Variants in PRKAR1B observed in about 807,000 individuals in gnomAD.
The protein encoded by PRKAR1B is cAMP-dependent protein kinase type I-beta regulatory subunit.
PRKAR1B carries 22 observed loss-of-function variants against 46.5 expected under a neutral mutation model. The ratio of observed to expected loss-of-function variants is 0.47; its 90% confidence interval spans 0.34 to 0.68. PRKAR1B has a LOEUF of 0.68. Among genes scored for constraint, PRKAR1B ranks in the 30% least tolerant of loss-of-function variants. PRKAR1B has a pLI of 0.01. For synonymous variants in PRKAR1B, 259 were observed against 217.7 expected (o/e 1.19, Z -1.67); for missense variants, 445 against 535.6 (o/e 0.83, Z 1.67).
chr7:660,021 A>G (rs892997632), intron 4 of PRKAR1B, among the ~76,000 whole-genome samples: 3 of 151,994 alleles, frequency 2.0e-5, no homozygotes, highest in Non-Finnish European at 4.4e-5. Context: ...CTCTCCCTTT[A>G]GTGACAAAGG....
chr7:723,469 G>T (rs1781143047), intron 1 of PRKAR1B, among the ~76,000 whole-genome samples: 1 of 152,180 alleles, frequency 6.6e-6, no homozygotes, highest in Non-Finnish European at 1.5e-5. Context: ...CAGTCCAGAG[G>T]TCTCCAGCCC....
rs915647243 is a variant in PRKAR1B, at chr7:584,449, G to T, written c.769+59C>A. The T allele has an allele frequency of 4.7e-6, 7 of 1,475,918 alleles. No individual in the cohort carries two copies. In the Admixed American group the frequency reaches 1.0e-4, roughly 21 times the overall value. The allele number at this position is 1,475,918 out of a possible 1,614,324, so 91.4% of individuals were successfully genotyped here. ...CGCAGGGAATGGGGAAGAGGCCGGG[G>T]TGGCCAGCAGGCGCCCAGATGTCGG... On this transcript the variant is annotated intron_variant, in intron 8 of 10. Coordinates refer to ENST00000537384, the MANE Select transcript of PRKAR1B (RefSeq NM_001164760.2).
chr7:659,584 A>C (rs1785394192), intron 4 of PRKAR1B, among the ~76,000 whole-genome samples: 1 of 152,196 alleles, frequency 6.6e-6, no homozygotes, highest in African/African-American at 2.4e-5. Context: ...TGAGGCAAGA[A>C]GACGACGGCT....
At chr7:725,210 T>C (rs1215312503) in intron 1 of PRKAR1B, among the ~76,000 whole-genome samples, 7 of 135,248 alleles carry the variant, frequency 5.2e-5, no homozygotes, top group African/African-American at 1.7e-4. Context: ...CAAGATTCCA[T>C]CTCAAAAAAA....
intron 2 of PRKAR1B, among the ~76,000 whole-genome samples, chr7:693,927 CTTTTGT>C (rs1389728523): frequency 6.6e-6 from 1 of 152,178 alleles, no homozygotes; most frequent in Non-Finnish European, 1.5e-5. Context: ...TTCATTTTTG[CTTTTGT>C]TTTTAATATG....
intron 3 of PRKAR1B, among the ~76,000 whole-genome samples, chr7:680,024 GGTA>G (rs764031434): frequency 2.6e-5 from 4 of 152,184 alleles, no homozygotes; most frequent in African/African-American, 9.6e-5. Context: ...TGGGTGTGGT[GGTA>G]GGCACCTGTA....
chr7:673,390 C>T (rs1396538938), intron 4 of PRKAR1B, among the ~76,000 whole-genome samples: 2 of 152,216 alleles, frequency 1.3e-5, no homozygotes, highest in East Asian at 1.9e-4. Context: ...TGGCTCACGC[C>T]TGTAATCCCA....
chr7:722,922 C>T (rs1322192357), intron 1 of PRKAR1B, among the ~76,000 whole-genome samples: 2 of 151,340 alleles, frequency 1.3e-5, no homozygotes, highest in Non-Finnish European at 2.9e-5. Context: ...TGTGGTCTGT[C>T]ATTCCAACAG....
chr7:616,081 C>T lies in PRKAR1B; in HGVS notation c.441-8629G>A, dbSNP rs796683043. 1.0e-3 allele frequency among the ~76,000 whole-genome samples: 153 copies of T among 152,218 alleles called. 1 individual carries two copies. The highest frequency in any genetic ancestry group is 3.3e-3 in the African/African-American group (136 of 41,532). ...GCAGGGGCTGTGCTCTCACCACTGC[C>T]GAGACCCTCCCAGGCCCAGCCCTGC... On this transcript the variant is annotated intron_variant, in intron 4 of 10. Transcript: ENST00000537384.
intron 4 of PRKAR1B, among the ~76,000 whole-genome samples, chr7:659,382 A>C (rs1785380004): frequency 6.6e-6 from 1 of 152,208 alleles, no homozygotes. Context: ...TATAGCTTCC[A>C]TCCTAGTGGA....
intron 9 of PRKAR1B, among the ~76,000 whole-genome samples, chr7:561,612 C>T (rs1262219255): frequency 6.6e-6 from 1 of 152,232 alleles, no homozygotes; most frequent in Non-Finnish European, 1.5e-5. Context: ...CTGCCCGCTC[C>T]TCAGGCCCGG....
chr7:564,927 C>T (rs752512615), intron 9 of PRKAR1B, among the ~76,000 whole-genome samples: 65 of 152,166 alleles, frequency 4.3e-4, no homozygotes, highest in Non-Finnish European at 8.1e-4. Context: ...ATTTATTGAG[C>T]TGCCCATTCT....
chr7:723,636 G>C (rs1187390016), intron 1 of PRKAR1B, among the ~76,000 whole-genome samples: 1 of 152,196 alleles, frequency 6.6e-6, no homozygotes, highest in Non-Finnish European at 1.5e-5. Context: ...AGCCTTCCCA[G>C]GGCTCCCGAC....
chr7:723,722 C>A (rs1781154270), intron 1 of PRKAR1B, among the ~76,000 whole-genome samples: 2 of 152,196 alleles, frequency 1.3e-5, no homozygotes, highest in Non-Finnish European at 2.9e-5. Flanking sequence ...ACCTTGAAAT[C>A]CTCAGTCTGC....
chr7:659,960 C>T (rs187372862), intron 4 of PRKAR1B, among the ~76,000 whole-genome samples: 1 of 151,906 alleles, frequency 6.6e-6, no homozygotes, highest in South Asian at 2.1e-4. Context: ...GTAGATCTCC[C>T]CAGTGAGCAG....
chr7:724,529 G>GT lies in PRKAR1B; in HGVS notation c.-23+2680dup, dbSNP rs1781182566. On this transcript the variant is annotated intron_variant, in intron 1 of 10. Coordinates refer to ENST00000537384, the MANE Select transcript of PRKAR1B (RefSeq NM_001164760.2). ...GAGGCCTCCCCAGCCATGTGGAACT[G>GT]TGAGTCCAGTAAACCTTTCCCTGTA... Among the ~76,000 whole-genome samples, 3 of 152,238 alleles carry GT rather than the reference G, an allele frequency of 2.0e-5. No individual in the cohort carries two copies. The South Asian group carries it at 6.2e-4, about 32-fold the overall frequency.
intron 1 of PRKAR1B, chr7:726,882 G>C: frequency 7.5e-7 from 1 of 1,327,900 alleles, no homozygotes; most frequent in Non-Finnish European, 9.6e-7. Context: ...AGGCCCTGCG[G>C]CGCGCGCTGG....
In PRKAR1B at chr7:550,379, A is replaced by G; in HGVS notation, c.*51T>C. ...TCCCGGGCCCCCGACACAGACGAGC[A>G]GGGCACGGCCACCACACTGGGGAGC... is the stretch of plus-strand genomic sequence containing the variant. On this transcript the variant is annotated 3_prime_UTR_variant, in exon 11 of 11. Transcript: ENST00000537384. 1 of 1,528,530 alleles carries G rather than the reference A, an allele frequency of 6.5e-7. No individual in the cohort carries two copies. Among genetic ancestry groups the G allele is most frequent in the Non-Finnish European group, 8.9e-7 (1 of 1,126,630 alleles). The allele number at this position is 1,528,530 out of a possible 1,614,324, so 94.7% of individuals were successfully genotyped here.
At chr7:601,880 C>T (rs1781626042) in intron 6 of PRKAR1B, among the ~76,000 whole-genome samples, 1 of 151,588 alleles carries the variant, frequency 6.6e-6, no homozygotes, top group Non-Finnish European at 1.5e-5. Context: ...TTGTGCCTGA[C>T]CCGGGGGGGC....
Sources: gnomAD v4.1 joint callset for allele counts (sites outside exome capture counted in the v4.1 genomes callset) on GRCh38, gnomAD v4.1.1 for gene constraint, MANE v1.5 for transcripts, NCBI Gene and HGNC (gene_info 2026-07-23, HGNC 2026-07-21) for gene names.